The following SLIT3 variants were observed in gnomAD, a reference collection of about 807,000 sequenced individuals.
SLIT3 encodes slit guidance ligand 3, also known as slit homolog 3 protein.
SLIT3 carries 68 observed loss-of-function variants against 184.0 expected under a neutral mutation model. That is an observed-to-expected ratio of 0.37 (90% CI 0.30 to 0.45). SLIT3 has a LOEUF of 0.45. Ranked by LOEUF, SLIT3 falls within the 20% of genes least tolerant of loss-of-function variation. The pLI, the probability that SLIT3 is intolerant of heterozygous loss-of-function variation, is 1.00. For synonymous variants in SLIT3, 831 were observed against 828.6 expected, an observed-to-expected ratio of 1.00 and a Z score of -0.05; for missense variants, 1,707 against 2,026.0, an observed-to-expected ratio of 0.84 and a Z score of 3.02.
chr5:168,940,217 A>G (rs1191825953), intron 4 of SLIT3, among the ~76,000 whole-genome samples: 1 of 152,214 alleles, frequency 6.6e-6, no homozygotes, highest in East Asian at 1.9e-4. Context: ...TCATCTTGAA[A>G]AAGTATGATA....
chr5:168,755,582 C>T (rs2113484056), intron 16 of SLIT3, among the ~76,000 whole-genome samples: 1 of 151,816 alleles, frequency 6.6e-6, no homozygotes, highest in African/African-American at 2.4e-5. Flanking sequence ...TTACAGGTGC[C>T]TGCCACCATG....
chr5:169,213,358 A>G (rs1764332373), intron 3 of SLIT3, among the ~76,000 whole-genome samples: 2 of 152,238 alleles, frequency 1.3e-5, no homozygotes, highest in African/African-American at 4.8e-5. Flanking sequence ...GATAGGAGAA[A>G]GTAATTTATA....
At chr5:168,895,119 G>T (rs565135000) in intron 4 of SLIT3, among the ~76,000 whole-genome samples, 2 of 152,336 alleles carry the variant, frequency 1.3e-5, no homozygotes, top group Admixed American at 6.5e-5. Flanking sequence ...CAGTTTGGGA[G>T]AAGTTGAAGC....
chr5:169,297,301 A>T (rs1581151073), intron 1 of SLIT3, among the ~76,000 whole-genome samples: 1 of 152,198 alleles, frequency 6.6e-6, no homozygotes, highest in African/African-American at 2.4e-5. Flanking sequence ...TATAGGGAAG[A>T]TCTTGGAACA....
In SLIT3 at chr5:169,267,116, T is replaced by C. The variant is rs544215136; in HGVS notation, c.198-15657A>G. On this transcript the variant is annotated intron_variant, in intron 1 of 35. Transcript: ENST00000519560. Reference sequence around the variant, plus strand: ...TTTTTTAATCCTCACAACCAGCCTATGAGGTTGATGCTACTTATTAGTCCC... The same window carrying C: ...TTTTTTAATCCTCACAACCAGCCTACGAGGTTGATGCTACTTATTAGTCCC... 2.5e-4 allele frequency among the ~76,000 whole-genome samples: 38 copies of C among 152,260 alleles called. No homozygotes were observed. The South Asian group carries it at 7.7e-3, about 31-fold the overall frequency.
At chr5:169,114,302 T>C (rs899138514) in intron 4 of SLIT3, among the ~76,000 whole-genome samples, 3 of 152,230 alleles carry the variant, frequency 2.0e-5, no homozygotes, top group East Asian at 1.9e-4. Context: ...CCTCCTGATA[T>C]GTGAACAGAG....
At position 169,074,605 on chromosome 5, in the gene SLIT3, C is replaced by T. The variant is rs142966859; in HGVS notation, c.413+118874G>A. ...GAGAGGTGAGTACCTTTCTGAAGGT[C>T]TCAAGTTTCACCTTTTCCTTCTGCT... On this transcript the variant is annotated intron_variant, in intron 4 of 35. Transcript: ENST00000519560. Among the ~76,000 whole-genome samples the T allele has an allele frequency of 8.1e-4, 123 of 152,252 alleles. No homozygotes were observed. In the East Asian group the frequency reaches 0.015, roughly 19 times the overall value.
At chr5:168,815,708 G>A (rs184472571) in intron 8 of SLIT3, among the ~76,000 whole-genome samples, 81 of 152,314 alleles carry the variant, frequency 5.3e-4, no homozygotes, top group Admixed American at 1.2e-3. Context: ...GGAGGAAGCG[G>A]CAGAGAATGA....
At chr5:168,740,666 G>A (rs150442359) in intron 20 of SLIT3, among the ~76,000 whole-genome samples, 19 of 152,132 alleles carry the variant, frequency 1.2e-4, no homozygotes, top group African/African-American at 3.9e-4. Flanking sequence ...CCAGGAAGAC[G>A]GTTTGGGGAA....
chr5:168,901,469 T>G (rs1205453660), intron 4 of SLIT3, among the ~76,000 whole-genome samples: 1 of 152,198 alleles, frequency 6.6e-6, no homozygotes, highest in Non-Finnish European at 1.5e-5. Flanking sequence ...AACAACCCAG[T>G]CAGTCCTCCC....
intron 4 of SLIT3, among the ~76,000 whole-genome samples, chr5:168,898,833 C>A (rs1394222687): frequency 6.6e-6 from 1 of 152,162 alleles, no homozygotes; most frequent in African/African-American, 2.4e-5. Flanking sequence ...TCACTTTCTT[C>A]TGGTCCTTAG....
chr5:168,825,275 C>T (rs1289770759), intron 6 of SLIT3, among the ~76,000 whole-genome samples: 2 of 152,104 alleles, frequency 1.3e-5, no homozygotes, highest in African/African-American at 4.8e-5. Flanking sequence ...ACAGTGCCCC[C>T]CATATTCTCC....
intron 3 of SLIT3, among the ~76,000 whole-genome samples, chr5:169,222,804 G>A (rs1283880318): frequency 6.6e-6 from 1 of 152,224 alleles, no homozygotes. Flanking sequence ...CATGAATGCA[G>A]GTTAGCACTT....
intron 1 of SLIT3, among the ~76,000 whole-genome samples, chr5:169,268,528 G>C (rs564562119): frequency 1.2e-4 from 19 of 152,296 alleles, no homozygotes; most frequent in African/African-American, 4.3e-4. Context: ...CTTGAAAGCA[G>C]AGAACCTTTC....
intron 1 of SLIT3, among the ~76,000 whole-genome samples, chr5:169,270,219 A>G (rs1288368724): frequency 1.3e-5 from 2 of 152,180 alleles, no homozygotes; most frequent in Non-Finnish European, 2.9e-5. Context: ...TAATTCATTC[A>G]ATCAGCGTTT....
chr5:169,218,719 G>A (rs716866), intron 3 of SLIT3, among the ~76,000 whole-genome samples: 82,560 of 152,048 alleles, frequency 0.54, 22,828 homozygotes, highest in East Asian at 0.68. Flanking sequence ...AAGATCATGC[G>A]TATAGATGTG....
intron 20 of SLIT3, among the ~76,000 whole-genome samples, chr5:168,740,741 A>G (rs992704014): frequency 2.6e-5 from 4 of 152,224 alleles, no homozygotes; most frequent in Non-Finnish European, 4.4e-5. Context: ...AAGTGATACC[A>G]TTTCCAAATC....
At position 168,823,244 on chromosome 5, in the gene SLIT3, C is replaced by G; in HGVS notation, c.629+16G>C. 6.2e-7 allele frequency: 1 copy of G among 1,608,388 alleles called. No individual in the cohort carries two copies. The highest frequency in any genetic ancestry group is 8.5e-7 in the Non-Finnish European group (1 of 1,174,828). ...GTAGGGAGAAAATGGGAGAGATGCA[C>G]AGACTTCTTACTCACAGAGTTCGGA... On this transcript the variant is annotated intron_variant, in intron 7 of 35. Transcript: ENST00000519560.
At chr5:169,141,711 C>A (rs868690951) in intron 4 of SLIT3, among the ~76,000 whole-genome samples, 2 of 149,872 alleles carry the variant, frequency 1.3e-5, no homozygotes, top group South Asian at 4.2e-4. Context: ...TGCACTCCAG[C>A]CTGGGTGGCA....
Sources: allele counts gnomAD v4.1 joint callset (sites outside exome capture counted in the v4.1 genomes callset), GRCh38; gene constraint gnomAD v4.1.1; transcripts MANE v1.5; gene names NCBI Gene and HGNC (gene_info 2026-07-23, HGNC 2026-07-21).